Variants in PSMB3 observed in about 807,000 individuals in gnomAD.
PSMB3 encodes proteasome subunit beta type-3.
In PSMB3, 5 loss-of-function variants were observed where a neutral mutation model predicts 23.3. The observed-to-expected ratio is 0.21, with a 90% CI of 0.11 to 0.45. The LOEUF (loss-of-function observed/expected upper bound fraction) is 0.45, where lower values mean the gene tolerates loss of function less well. Ranked by LOEUF, PSMB3 falls within the 20% of genes least tolerant of loss-of-function variation. The pLI is 0.99. For synonymous variants in PSMB3, 85 were observed against 99.8 expected, an observed-to-expected ratio of 0.85 and a Z score of 0.88; for missense variants, 192 against 277.9, an observed-to-expected ratio of 0.69 and a Z score of 2.20.
chr17:38,756,364 G>T (rs1332174979), intron 3 of PSMB3, among the ~76,000 whole-genome samples: 2 of 152,146 alleles, frequency 1.3e-5, no homozygotes, highest in African/African-American at 4.8e-5. Flanking sequence ...TCTCCTTGAG[G>T]GCTTTATGGT....
At chr17:38,759,047 AAAAG>A (rs1039733733) in intron 3 of PSMB3, among the ~76,000 whole-genome samples, 4 of 152,034 alleles carry the variant, frequency 2.6e-5, no homozygotes, top group African/African-American at 4.8e-5. Context: ...CTGTCTCAAA[AAAAG>A]AAAGAAAGAA....
Position 38,755,709 on chromosome 17 carries a change from T to C in PSMB3, c.189-174T>C, listed in dbSNP as rs536002139. On this transcript the variant is annotated intron_variant, in intron 2 of 5. Transcript: ENST00000619426. ...GTGTGTGTGTGTGTGTGTGTGTGTG[T>C]GTGTGTGCTGCCAAAGCAAGCACCA... is the stretch of plus-strand genomic sequence containing the variant. Among the ~76,000 whole-genome samples the C allele has an allele frequency of 4.4e-3, 616 of 140,038 alleles. 5 individuals carry two copies. Among genetic ancestry groups the C allele is most frequent in the African/African-American group, 0.017 (576 of 34,136 alleles). 91.9% of individuals were successfully genotyped at this position (140,038 alleles called of 152,430 possible).
chr17:38,757,083 C>T (rs1041053937), intron 3 of PSMB3, among the ~76,000 whole-genome samples: 12 of 140,580 alleles, frequency 8.5e-5, no homozygotes, highest in African/African-American at 2.6e-4. Flanking sequence ...GGTTTCACCA[C>T]GCTGGTCGGG....
chr17:38,755,210 A>G (rs1394987138), intron 2 of PSMB3: 2 of 152,082 alleles, frequency 1.3e-5, no homozygotes, highest in African/African-American at 2.4e-5. Context: ...AGCTCAAGCA[A>G]TCCTTCCGCC....
At chr17:38,757,956 C>G (rs73295111) in intron 3 of PSMB3, among the ~76,000 whole-genome samples, 2 of 151,208 alleles carry the variant, frequency 1.3e-5, no homozygotes, top group Non-Finnish European at 2.9e-5. Flanking sequence ...GCCCAGCCAA[C>G]GAAAAAAAAA....
chr17:38,755,907 G>A lies in PSMB3; in HGVS notation c.213G>A (p.Leu71=), dbSNP rs763108909. 9 of 1,614,076 alleles carry A rather than the reference G, an allele frequency of 5.6e-6. No individual in the cohort carries two copies. The highest frequency in any genetic ancestry group is 3.3e-5 in the South Asian group (3 of 91,078). ...QTVAQRLKFR[L]NLYELKEGRQ... is the part of the protein sequence containing the mutation. The stretch of plus-strand genomic sequence containing the variant: ...GTGCCCAGCGCCTCAAGTTCCGGCT[G>A]AACCTGTATGAGTTGAAGGAAGGTC... The change falls in exon 3 of 6, where the codon CTG becomes CTA. Residue 71 remains leucine, a synonymous_variant. Transcript: ENST00000619426.
At chr17:38,753,102 G>A in intron 1 of PSMB3, 48 bp from the exon 2 acceptor site, 5 of 1,543,120 alleles carry the variant, frequency 3.2e-6, no homozygotes, top group Non-Finnish European at 4.4e-6. Flanking sequence ...CGGGGGCTGT[G>A]GCAGCGTTTG....
intron 5 of PSMB3, among the ~76,000 whole-genome samples, chr17:38,763,450 T>C (rs1253698499): frequency 6.7e-6 from 1 of 150,016 alleles, no homozygotes; most frequent in African/African-American, 2.4e-5. Flanking sequence ...CCACACCTTC[T>C]CCTTCCTAAG....
At chr17:38,757,392 G>A (rs1417814596) in intron 3 of PSMB3, among the ~76,000 whole-genome samples, 3 of 149,878 alleles carry the variant, frequency 2.0e-5, no homozygotes, top group Non-Finnish European at 4.5e-5. Flanking sequence ...GGTGGTGCAC[G>A]CCTGTAATCC....
At chr17:38,763,566 A>C (rs1230387585) in intron 5 of PSMB3, among the ~76,000 whole-genome samples, 13 of 128,576 alleles carry the variant, frequency 1.0e-4, no homozygotes, top group Non-Finnish European at 1.5e-4. Context: ...CAATGGCACT[A>C]TCTCAGCTCA....
At chr17:38,761,722 C>CA (rs1405301630) in intron 4 of PSMB3, among the ~76,000 whole-genome samples, 1 of 152,122 alleles carries the variant, frequency 6.6e-6, no homozygotes, top group Non-Finnish European at 1.5e-5. Context: ...GATGAGACCT[C>CA]AAAGGGCCTT....
chr17:38,760,626 A>T lies in PSMB3; in HGVS notation c.474+18A>T. On this transcript the variant is annotated intron_variant, in intron 4 of 5. Transcript: ENST00000619426. ...CCAACATGGTACGTTGGTGGCATGGAGAGGGGCTGGGCTCTGAGTTACCCA... is the reference window on the plus strand; with the variant it reads ...CCAACATGGTACGTTGGTGGCATGGTGAGGGGCTGGGCTCTGAGTTACCCA... 6.2e-7 allele frequency: 1 copy of T among 1,614,066 alleles called. No individual in the cohort carries two copies. Among genetic ancestry groups the T allele is most frequent in the Non-Finnish European group, 8.5e-7 (1 of 1,179,932 alleles).
At position 38,763,356 on chromosome 17, in the gene PSMB3, AAAAAAC is replaced by A. The variant is rs753340999; in HGVS notation, c.570-745_570-740del. On this transcript the variant is annotated intron_variant, in intron 5 of 5. Transcript: ENST00000619426. ...GCAACACAGTGAGACTCTGTCTCAA[AAAAAAC>A]AAAAACAAAAACAAAAAACCCAAAA... Among the ~76,000 whole-genome samples, 42 of 152,212 alleles carry A rather than the reference AAAAAAC, an allele frequency of 2.8e-4. 1 individual carries two copies. Among genetic ancestry groups the A allele is most frequent in the African/African-American group, 5.8e-4 (24 of 41,534 alleles).
At chr17:38,764,018 G>C in intron 5 of PSMB3, 101 bp from the exon 6 acceptor site, 1 of 1,400,878 alleles carries the variant, frequency 7.1e-7, no homozygotes, top group Non-Finnish European at 1.0e-6. Flanking sequence ...CTGCTCCCTT[G>C]CCGCAGGGCT....
intron 3 of PSMB3, among the ~76,000 whole-genome samples, chr17:38,758,828 C>G (rs1908317727): frequency 6.6e-6 from 1 of 152,170 alleles, no homozygotes; most frequent in Non-Finnish European, 1.5e-5. Context: ...GGGTGGATCA[C>G]AAGGTCAGGA....
intron 3 of PSMB3, among the ~76,000 whole-genome samples, chr17:38,758,874 G>A (rs925429377): frequency 5.3e-5 from 8 of 152,094 alleles, no homozygotes; most frequent in African/African-American, 4.8e-5. Flanking sequence ...GTGAAACCCC[G>A]TCTGTACTAA....
chr17:38,759,856 T>C (rs759538470), intron 3 of PSMB3, among the ~76,000 whole-genome samples: 16 of 152,072 alleles, frequency 1.1e-4, no homozygotes, highest in Non-Finnish European at 1.6e-4. Context: ...CCAAGACTGA[T>C]TTTTCTTAAA....
Position 38,762,422 on chromosome 17 carries a change from C to T in PSMB3, c.486C>T (p.His162=). Residue 162 remains histidine, a synonymous_variant, in exon 5 of 6, where the codon CAC becomes CAT. Transcript: ENST00000619426. ...SLWEPNMDPD[H]LFETISQAML... ...CACTCTGTTGGCAGGATCCGGATCA[C>T]CTGTTTGAAACCATCTCCCAAGCCA... The T allele has an allele frequency of 6.2e-7, 1 of 1,614,094 alleles. No individual in the cohort carries two copies. The highest frequency in any genetic ancestry group is 8.5e-7 in the Non-Finnish European group (1 of 1,179,958).
intron 2 of PSMB3, among the ~76,000 whole-genome samples, chr17:38,755,013 T>TC (rs2143213815): frequency 6.6e-6 from 1 of 152,024 alleles, no homozygotes; most frequent in East Asian, 1.9e-4. Flanking sequence ...CTTTTTTTTT[T>TC]TTTTGTCACC....
Sources: gnomAD v4.1 joint callset for allele counts (sites outside exome capture counted in the v4.1 genomes callset) on GRCh38, gnomAD v4.1.1 for gene constraint, MANE v1.5 for transcripts, NCBI Gene and HGNC (gene_info 2026-07-23, HGNC 2026-07-21) for gene names.